ZDHHC5: variants seen among roughly 807,000 people sequenced by gnomAD.
ZDHHC5 encodes zDHHC palmitoyltransferase 5.
ZDHHC5 carries 22 observed loss-of-function variants against 70.0 expected under a neutral mutation model. That is an observed-to-expected ratio of 0.31 (90% CI 0.22 to 0.45). The LOEUF (loss-of-function observed/expected upper bound fraction) is 0.45, where lower values mean the gene tolerates loss of function less well. ZDHHC5 is among the 20% of genes least tolerant of loss of function. The probability of loss-of-function intolerance (pLI) is 1.00; values close to 1 mark genes in which losing one functional copy is unlikely to be tolerated. For synonymous variants in ZDHHC5, 313 were observed against 347.8 expected (o/e 0.90, Z 1.11); for missense variants, 746 against 926.9 (o/e 0.80, Z 2.53).
chr11:57,679,949 T>C (rs1422285392), intron 2 of ZDHHC5, among the ~76,000 whole-genome samples: 1 of 152,190 alleles, frequency 6.6e-6, no homozygotes, highest in East Asian at 1.9e-4. Context: ...GGGCAGACTT[T>C]ATTTTGGCAA....
chr11:57,688,207 CT>C (rs997074007), intron 3 of ZDHHC5, among the ~76,000 whole-genome samples: 1 of 152,176 alleles, frequency 6.6e-6, no homozygotes, highest in African/African-American at 2.4e-5. Context: ...TAAACTATTT[CT>C]TTAAAATATA....
intron 6 of ZDHHC5, among the ~76,000 whole-genome samples, chr11:57,692,345 G>GT (rs1453652392): frequency 1.3e-5 from 2 of 152,068 alleles, no homozygotes; most frequent in Non-Finnish European, 2.9e-5. Context: ...CTTTATCTTA[G>GT]TTTTCAATAT....
intron 4 of ZDHHC5, among the ~76,000 whole-genome samples, chr11:57,689,062 T>G (rs1946247982): frequency 1.3e-5 from 2 of 152,032 alleles, no homozygotes; most frequent in Non-Finnish European, 2.9e-5. Context: ...ACACCAAGAT[T>G]TATAGTTCTA....
At chr11:57,679,668 C>G (rs1404305890) in intron 2 of ZDHHC5, among the ~76,000 whole-genome samples, 1 of 152,126 alleles carries the variant, frequency 6.6e-6, no homozygotes, top group Non-Finnish European at 1.5e-5. Context: ...GTTCTGAGCT[C>G]TGGCCTCATC....
chr11:57,692,422 A>T (rs1331753103), intron 6 of ZDHHC5, among the ~76,000 whole-genome samples, 189 bp from the exon 7 acceptor site: 1 of 152,226 alleles, frequency 6.6e-6, no homozygotes, highest in Non-Finnish European at 1.5e-5. Flanking sequence ...AGGTAGACCT[A>T]GGATTTGAAC....
intron 4 of ZDHHC5, 105 bp from the exon 5 acceptor site, chr11:57,689,926 G>T: frequency 3.0e-6 from 4 of 1,325,974 alleles, no homozygotes; most frequent in Non-Finnish European, 4.2e-6. Flanking sequence ...TGAACTAATT[G>T]GTGACCATGA....
intron 3 of ZDHHC5, among the ~76,000 whole-genome samples, chr11:57,683,680 C>T (rs1170311369): frequency 6.6e-6 from 1 of 152,174 alleles, no homozygotes; most frequent in Non-Finnish European, 1.5e-5. Flanking sequence ...TAATAATCTT[C>T]ATCCATGTGG....
chr11:57,688,770 TAC>T, intron 4 of ZDHHC5, 105 bp downstream of exon 4: 1 of 1,300,380 alleles, frequency 7.7e-7, no homozygotes, highest in Non-Finnish European at 1.0e-6. Context: ...CCTGTCTAAC[TAC>T]GTTGGCCACA....
intron 2 of ZDHHC5, among the ~76,000 whole-genome samples, chr11:57,676,525 A>G (rs1200516769): frequency 6.6e-6 from 1 of 152,104 alleles, no homozygotes; most frequent in Non-Finnish European, 1.5e-5. Context: ...GGAGGTCAGG[A>G]GATTGATTCT....
chr11:57,668,947 T>C (rs1466676795), intron 1 of ZDHHC5, among the ~76,000 whole-genome samples: 1 of 152,254 alleles, frequency 6.6e-6, no homozygotes. Flanking sequence ...TAGGATCACA[T>C]ATACGTTATA....
At position 57,699,306 on chromosome 11, in the gene ZDHHC5, C is replaced by T. The variant is rs779493997; in HGVS notation, c.1870C>T (p.Pro624Ser). ...LRGRGVGSPEPGPTAPYLGRS... is the reference protein window; with the variant it reads ...LRGRGVGSPESGPTAPYLGRS... ...GGGCCGGGGAGTAGGGTCCCCTGAA[C>T]CAGGCCCAACAGCCCCATACCTGGG... The change falls in exon 11 of 12, where the codon CCA becomes TCA. Residue 624 changes from proline (P) to serine (S), a missense_variant. Coordinates refer to ENST00000287169, the MANE Select transcript of ZDHHC5 (RefSeq NM_015457.3). 5.6e-6 allele frequency: 9 copies of T among 1,614,184 alleles called. No homozygotes were observed. The East Asian group carries it at 1.8e-4, about 32-fold the overall frequency.
intron 10 of ZDHHC5, 104 bp from the exon 11 acceptor site, chr11:57,698,455 T>C (rs1007218172): frequency 6.9e-7 from 1 of 1,451,430 alleles, no homozygotes; most frequent in African/African-American, 1.4e-5. Flanking sequence ...AGTTCTAAGC[T>C]TATTATTGGC....
In ZDHHC5 at chr11:57,698,993, G is replaced by A. The variant is rs1185698020; in HGVS notation, c.1557G>A (p.Val519=). Residue 519 remains valine (V), a synonymous_variant, in exon 11 of 12, where the codon GTG becomes GTA. Transcript: ENST00000287169. The part of the protein sequence containing the change: ...QREAERHPRL[V]PTGPTHREPS... ...AAGCTGAGAGGCACCCACGTTTGGT[G>A]CCAACTGGCCCAACACACCGAGAGC... The A allele has an allele frequency of 3.7e-6, 6 of 1,610,100 alleles. No individual in the cohort carries two copies. The highest frequency in any genetic ancestry group is 4.2e-6 in the Non-Finnish European group (5 of 1,179,972).
Position 57,699,259 on chromosome 11 carries a change from T to C in ZDHHC5, c.1823T>C (p.Phe608Ser). 1 of 1,614,236 alleles carries C rather than the reference T, an allele frequency of 6.2e-7. No homozygotes were observed. Among genetic ancestry groups the C allele is most frequent in the Non-Finnish European group, 8.5e-7 (1 of 1,180,046 alleles). The part of the protein sequence containing the change: ...TPLGRPAVPR[F>S]GKPDGLRGRG... Reference sequence around the variant, plus strand: ...CTGGGACGCCCAGCTGTCCCCCGTTTTGGCAAGCCAGATGGGCTAAGGGGC... The same window carrying C: ...CTGGGACGCCCAGCTGTCCCCCGTTCTGGCAAGCCAGATGGGCTAAGGGGC... The change falls in exon 11 of 12, where the codon TTT becomes TCT. Residue 608 changes from phenylalanine to serine, a missense_variant. Phe to Ser is a radical substitution (Grantham distance 155). Transcript: ENST00000287169.
At chr11:57,677,283 ATTT>A (rs1170220902) in intron 2 of ZDHHC5, among the ~76,000 whole-genome samples, 8 of 81,574 alleles carry the variant, frequency 9.8e-5, no homozygotes, top group Admixed American at 1.6e-4. Context: ...GCTTCACGTG[ATTT>A]TTTTTTTTTT....
chr11:57,699,146 C>T lies in ZDHHC5; in HGVS notation c.1710C>T (p.Gly570=), dbSNP rs761842597. 1.2e-6 allele frequency: 2 copies of T among 1,614,228 alleles called. No homozygotes were observed. The highest frequency in any genetic ancestry group is 1.3e-5 in the African/African-American group (1 of 75,074). ...REEEPGLGDS[G]IQSTPGSGHA... ...AAGAACCAGGCTTGGGGGACTCAGG[C>T]ATTCAGTCAACACCAGGCTCGGGCC... Residue 570 remains glycine, a synonymous_variant, in exon 11 of 12, where the codon GGC becomes GGT. Coordinates refer to ENST00000287169, the MANE Select transcript of ZDHHC5 (RefSeq NM_015457.3).
rs374021617 is a variant in ZDHHC5 at position 57,680,234 on chromosome 11, G to A, written c.105-2188G>A. 2.4e-4 allele frequency among the ~76,000 whole-genome samples: 37 copies of A among 152,124 alleles called. No homozygotes were observed. The East Asian group carries it at 2.9e-3, about 12-fold the overall frequency. ...ACCCTGTCTCTACAAAAAATTAGCCGGGCGTGGTGGTGTGCATCTGTAGTC... is the reference window on the plus strand; with the variant it reads ...ACCCTGTCTCTACAAAAAATTAGCCAGGCGTGGTGGTGTGCATCTGTAGTC... On this transcript the variant is annotated intron_variant, in intron 2 of 11. Transcript: ENST00000287169.
intron 2 of ZDHHC5, among the ~76,000 whole-genome samples, chr11:57,675,517 G>T (rs1172109882): frequency 6.6e-6 from 1 of 152,164 alleles, no homozygotes; most frequent in Non-Finnish European, 1.5e-5. Flanking sequence ...GGATTTTGGA[G>T]GACAATATTG....
At chr11:57,689,379 A>G (rs528432905) in intron 4 of ZDHHC5, among the ~76,000 whole-genome samples, 1 of 151,236 alleles carries the variant, frequency 6.6e-6, no homozygotes, top group Non-Finnish European at 1.5e-5. Context: ...ATATATATAT[A>G]TATTTATTTA....
Sources: gnomAD v4.1 joint callset for allele counts (sites outside exome capture counted in the v4.1 genomes callset) on GRCh38, gnomAD v4.1.1 for gene constraint, MANE v1.5 for transcripts, NCBI Gene and HGNC (gene_info 2026-07-23, HGNC 2026-07-21) for gene names.